Variants in CAMTA1 observed in about 807,000 individuals in gnomAD.
CAMTA1 encodes the protein calmodulin-binding transcription activator 1.
In CAMTA1, 27 loss-of-function variants were observed where a neutral mutation model predicts 170.9. The ratio of observed to expected loss-of-function variants is 0.16; its 90% CI spans 0.12 to 0.22. The LOEUF (loss-of-function observed/expected upper bound fraction) is 0.22, where lower values mean the gene tolerates loss of function less well. Ranked by LOEUF, CAMTA1 falls within the 10% of genes least tolerant of loss-of-function variation. The probability of loss-of-function intolerance (pLI) is 1.00; values close to 1 mark genes in which losing one functional copy is unlikely to be tolerated. For missense variants in CAMTA1, 1,619 were observed against 2,217.2 expected, an observed-to-expected ratio of 0.73 and a Z score of 5.42; for synonymous variants, 833 against 891.5, an observed-to-expected ratio of 0.93 and a Z score of 1.17.
intron 6 of CAMTA1, among the ~76,000 whole-genome samples, chr1:7,589,525 A>G (rs1375665604): frequency 6.6e-6 from 1 of 152,154 alleles, no homozygotes; most frequent in Non-Finnish European, 1.5e-5. Context: ...GGCTTGACGC[A>G]TGGTGTCCGT....
intron 6 of CAMTA1, among the ~76,000 whole-genome samples, chr1:7,600,657 A>T (rs2095433411): frequency 6.6e-6 from 1 of 151,902 alleles, no homozygotes; most frequent in East Asian, 1.9e-4. Context: ...GTCCCTGGGT[A>T]CTTGAGATTA....
At position 7,463,162 on chromosome 1, in the gene CAMTA1, C is replaced by T. The variant is rs967384552; in HGVS notation, c.439-4668C>T. Among the ~76,000 whole-genome samples, 11 of 152,038 alleles carry T rather than the reference C, an allele frequency of 7.2e-5. No homozygotes were observed. Among genetic ancestry groups the T allele is most frequent in the South Asian group, 6.2e-4 (3 of 4,832 alleles). ...CCTGTGGCCCGCTGTGACCTTCAGG[C>T]CCCATCTGCTCCCCGGGGCTCCATG... On this transcript the variant is annotated intron_variant, in intron 5 of 22. Coordinates refer to ENST00000303635, the MANE Select transcript of CAMTA1 (RefSeq NM_015215.4). This position sits in a 1 kb window ranked among gnomAD's most constrained non-coding sequence, Gnocchi z 4.7.
At chr1:7,601,498 G>A (rs2095442464) in intron 6 of CAMTA1, among the ~76,000 whole-genome samples, 1 of 148,616 alleles carries the variant, frequency 6.7e-6, no homozygotes, top group Admixed American at 6.6e-5. Context: ...CCCAGACGAT[G>A]GGCGGCCAGG....
chr1:6,975,588 G>A (rs946805316), intron 3 of CAMTA1, among the ~76,000 whole-genome samples: 1 of 152,160 alleles, frequency 6.6e-6, no homozygotes, highest in Non-Finnish European at 1.5e-5. Flanking sequence ...CTGATGGGGA[G>A]CGTGGCAGGA....
intron 1 of CAMTA1, among the ~76,000 whole-genome samples, chr1:6,789,052 C>G (rs1315720263): frequency 2.0e-5 from 3 of 152,188 alleles, no homozygotes; most frequent in Non-Finnish European, 4.4e-5. Flanking sequence ...TGGGTGACCT[C>G]TTCCTCCTTT....
At chr1:7,378,266 C>T (rs1340437614) in intron 5 of CAMTA1, among the ~76,000 whole-genome samples, 1 of 152,198 alleles carries the variant, frequency 6.6e-6, no homozygotes, top group East Asian at 1.9e-4. Context: ...TTGTATGTAA[C>T]TAACTGTGTG....
intron 22 of CAMTA1, among the ~76,000 whole-genome samples, chr1:7,756,067 A>G (rs1040115817): frequency 2.0e-5 from 3 of 152,018 alleles, no homozygotes; most frequent in Non-Finnish European, 4.4e-5. Flanking sequence ...AATTTTCTCA[A>G]CGATTGCTTT....
intron 3 of CAMTA1, among the ~76,000 whole-genome samples, chr1:7,040,342 G>A (rs900773841): frequency 6.6e-6 from 1 of 152,190 alleles, no homozygotes; most frequent in African/African-American, 2.4e-5. Flanking sequence ...CGGCATGCGT[G>A]TGATCCGGTG....
intron 3 of CAMTA1, among the ~76,000 whole-genome samples, chr1:6,895,768 A>G (rs368878965): frequency 6.6e-6 from 1 of 152,188 alleles, no homozygotes; most frequent in Non-Finnish European, 1.5e-5. Flanking sequence ...CTCAAATGTT[A>G]TATCCTCAGA....
chr1:7,215,873 G>C (rs944508981), intron 4 of CAMTA1, among the ~76,000 whole-genome samples: 4 of 152,156 alleles, frequency 2.6e-5, no homozygotes, highest in African/African-American at 9.7e-5. Flanking sequence ...CAACTTTTGT[G>C]AATATTCTAT....
chr1:7,084,942 C>A (rs1183019139), intron 3 of CAMTA1, among the ~76,000 whole-genome samples: 1 of 152,176 alleles, frequency 6.6e-6, no homozygotes, highest in Non-Finnish European at 1.5e-5. Context: ...ATTAAATTTT[C>A]TTCTCTTTTA....
chr1:6,902,060 CACACACACACACAAAAAA>C (rs1026611970), intron 3 of CAMTA1, among the ~76,000 whole-genome samples: 7 of 102,620 alleles, frequency 6.8e-5, no homozygotes, highest in Non-Finnish European at 1.3e-4. Context: ...CACACACACA[CACACACACACACAAAAAA>C]AAAAATAAAA....
intron 5 of CAMTA1, among the ~76,000 whole-genome samples, chr1:7,332,151 C>T (rs942819142): frequency 2.0e-5 from 3 of 152,112 alleles, no homozygotes; most frequent in Non-Finnish European, 4.4e-5. Flanking sequence ...TGGTGTGGGG[C>T]CTCTGAGGGG....
At chr1:7,094,920 G>T (rs144248997) in intron 4 of CAMTA1, among the ~76,000 whole-genome samples, 9 of 152,216 alleles carry the variant, frequency 5.9e-5, no homozygotes, top group Non-Finnish European at 8.8e-5. Flanking sequence ...CACCCTGCCA[G>T]GTGAATTGAG....
rs879327132 is a variant in CAMTA1, at chr1:6,847,005, A to AT, written c.234+21810dup. On this transcript the variant is annotated intron_variant, in intron 3 of 22. Transcript: ENST00000303635. ...GTCTGCTTGAGCACATGAAGGATGGATTTTTTTTTTTTTTTGGAGACGGAA... is the reference window on the plus strand; with the variant it reads ...GTCTGCTTGAGCACATGAAGGATGGATTTTTTTTTTTTTTTTGGAGACGGAA... 8.5e-3 allele frequency among the ~76,000 whole-genome samples: 1,223 copies of AT among 144,386 alleles called. 7 individuals are homozygous for AT. The highest frequency in any genetic ancestry group is 0.023 in the African/African-American group (923 of 39,600). The allele number at this position is 144,386 out of a possible 152,430, so 94.7% of individuals were successfully genotyped here.
chr1:7,679,604 A>G (rs2096165868), intron 11 of CAMTA1, among the ~76,000 whole-genome samples: 1 of 147,788 alleles, frequency 6.8e-6, no homozygotes, highest in South Asian at 2.1e-4. Context: ...TGAGCTCTGA[A>G]CTCTGTGGGC....
intron 11 of CAMTA1, among the ~76,000 whole-genome samples, chr1:7,714,584 G>C (rs972524134): frequency 1.3e-5 from 2 of 151,914 alleles, no homozygotes; most frequent in African/African-American, 4.8e-5. Flanking sequence ...CTTTGGGCGC[G>C]ATCTCAGCTC....
chr1:7,345,753 C>A (rs887679308), intron 5 of CAMTA1, among the ~76,000 whole-genome samples: 1 of 152,194 alleles, frequency 6.6e-6, no homozygotes, highest in Non-Finnish European at 1.5e-5. Flanking sequence ...GGGCTTCATG[C>A]CTGAGAGTCA....
chr1:7,704,140 C>T (rs2096476021), intron 11 of CAMTA1, among the ~76,000 whole-genome samples: 1 of 150,930 alleles, frequency 6.6e-6, no homozygotes, highest in Non-Finnish European at 1.5e-5. Flanking sequence ...CCGGCTCCTC[C>T]CGCCGGCTGC....
Sources: allele counts gnomAD v4.1 joint callset (sites outside exome capture counted in the v4.1 genomes callset), GRCh38; gene constraint gnomAD v4.1.1; non-coding constraint Gnocchi (gnomAD v3.1); transcripts MANE v1.5; gene names NCBI Gene and HGNC (gene_info 2026-07-23, HGNC 2026-07-21).